PTPRD: variants seen among roughly 807,000 people sequenced by gnomAD.
The protein encoded by PTPRD is receptor-type tyrosine-protein phosphatase delta.
A neutral mutation model predicts 214.5 loss-of-function variants in PTPRD; 34 were observed. The ratio of observed to expected loss-of-function variants is 0.16; its 90% CI spans 0.12 to 0.21. The LOEUF is 0.21. Ranked by LOEUF, PTPRD falls within the 10% of genes least tolerant of loss-of-function variation. The pLI, the probability that PTPRD is intolerant of heterozygous loss-of-function variation, is 1.00. For synonymous variants in PTPRD, 1,128 were observed against 845.7 expected, an observed-to-expected ratio of 1.33 and a Z score of -5.79; for missense variants, 2,545 against 2,398.7, an observed-to-expected ratio of 1.06 and a Z score of -1.27.
intron 7 of PTPRD, among the ~76,000 whole-genome samples, chr9:9,710,883 G>A (rs997510463): frequency 1.2e-4 from 18 of 152,254 alleles, no homozygotes; most frequent in Admixed American, 9.8e-4. Context: ...TTTCCAGCCA[G>A]GGCCGTGATT....
At chr9:9,017,337 T>C (rs1040362546) in intron 11 of PTPRD, among the ~76,000 whole-genome samples, 1 of 152,170 alleles carries the variant, frequency 6.6e-6, no homozygotes, top group Non-Finnish European at 1.5e-5. Context: ...TACAGGTTCC[T>C]TGGTAAATCT....
chr9:9,503,519 A>C (rs1215735647), intron 8 of PTPRD, among the ~76,000 whole-genome samples: 2 of 151,734 alleles, frequency 1.3e-5, no homozygotes, highest in Non-Finnish European at 1.5e-5. Context: ...AATGTAGAGG[A>C]GGCCATGGAA....
intron 3 of PTPRD, among the ~76,000 whole-genome samples, chr9:10,209,256 C>T (rs982753865): frequency 6.6e-6 from 1 of 152,044 alleles, no homozygotes; most frequent in Non-Finnish European, 1.5e-5. Context: ...GAGAAAAACC[C>T]ATGAAAACAC....
At chr9:10,528,599 A>G (rs1680584956) in intron 2 of PTPRD, among the ~76,000 whole-genome samples, 1 of 152,196 alleles carries the variant, frequency 6.6e-6, no homozygotes, top group African/African-American at 2.4e-5. Context: ...GCCAGCACAC[A>G]TTGACAATTG....
At chr9:8,672,313 A>G (rs2097303338) in intron 12 of PTPRD, among the ~76,000 whole-genome samples, 1 of 152,210 alleles carries the variant, frequency 6.6e-6, no homozygotes, top group Non-Finnish European at 1.5e-5. Context: ...TTTTCATCAT[A>G]TGATACCAAA....
chr9:9,389,529 AC>A (rs745870531), intron 9 of PTPRD, among the ~76,000 whole-genome samples: 6 of 152,130 alleles, frequency 3.9e-5, no homozygotes, highest in African/African-American at 1.4e-4. Flanking sequence ...TAATAAAAAA[AC>A]ATTAATTATG....
intron 7 of PTPRD, among the ~76,000 whole-genome samples, chr9:9,682,423 T>C (rs1425406136): frequency 6.6e-6 from 1 of 151,854 alleles, no homozygotes; most frequent in African/African-American, 2.4e-5. Flanking sequence ...ATTCTGGCTC[T>C]GGGTTTCAGA....
At chr9:8,428,049 A>G (rs1201936188) in intron 35 of PTPRD, among the ~76,000 whole-genome samples, 1 of 152,202 alleles carries the variant, frequency 6.6e-6, no homozygotes, top group Non-Finnish European at 1.5e-5. Context: ...AGAGATGAAC[A>G]AACTAAAATA....
chr9:8,538,954 C>G (rs1227389511), intron 14 of PTPRD, among the ~76,000 whole-genome samples: 1 of 151,760 alleles, frequency 6.6e-6, no homozygotes, highest in Non-Finnish European at 1.5e-5. Flanking sequence ...GAGACTGGAA[C>G]AAGCAAGGAA....
At chr9:10,378,570 G>C (rs998384583) in intron 2 of PTPRD, among the ~76,000 whole-genome samples, 10 of 151,962 alleles carry the variant, frequency 6.6e-5, no homozygotes, top group East Asian at 1.9e-4. Context: ...TTATTGAAGA[G>C]ACTGTCTTTC....
rs368752556 is a variant in PTPRD at position 9,121,354 on chromosome 9, C to T, written c.-143+61950G>A. Among the ~76,000 whole-genome samples the T allele has an allele frequency of 2.0e-4, 30 of 152,116 alleles. 1 individual carries two copies. The highest frequency in any genetic ancestry group is 1.4e-3 in the East Asian group (7 of 5,172). On this transcript the variant is annotated intron_variant, in intron 10 of 45. Transcript: ENST00000381196. ...ACCCAGAGGAAAAGAAGTTATTATTCGAAAAAGATACTTGCACACGCATGT... is the reference window on the plus strand; with the variant it reads ...ACCCAGAGGAAAAGAAGTTATTATTTGAAAAAGATACTTGCACACGCATGT...
chr9:9,262,159 C>T (rs1402414678), intron 9 of PTPRD, among the ~76,000 whole-genome samples: 1 of 151,254 alleles, frequency 6.6e-6, no homozygotes, highest in Non-Finnish European at 1.5e-5. Flanking sequence ...GTCATGAAAG[C>T]AATATTAGAA....
At chr9:9,614,356 A>G (rs1020766909) in intron 7 of PTPRD, among the ~76,000 whole-genome samples, 16 of 152,166 alleles carry the variant, frequency 1.1e-4, no homozygotes, top group Admixed American at 3.9e-4. Context: ...CATCATGATC[A>G]GCATAGTAAT....
chr9:10,504,862 A>G (rs1363946122), intron 2 of PTPRD, among the ~76,000 whole-genome samples: 1 of 152,130 alleles, frequency 6.6e-6, no homozygotes, highest in Non-Finnish European at 1.5e-5. Flanking sequence ...TCTTACTATT[A>G]TATTAGGAGA....
chr9:10,529,351 A>G (rs2055377600), intron 2 of PTPRD, among the ~76,000 whole-genome samples: 1 of 152,278 alleles, frequency 6.6e-6, no homozygotes, highest in Non-Finnish European at 1.5e-5. Flanking sequence ...TGGATAAACA[A>G]TATGTGGCAC....
intron 4 of PTPRD, among the ~76,000 whole-genome samples, chr9:9,972,325 G>C (rs537556707): frequency 2.8e-4 from 43 of 152,222 alleles, no homozygotes; most frequent in Admixed American, 3.3e-4. Context: ...CTCTTCTCAA[G>C]AGGAATCAAT....
rs1239966287 is a variant in PTPRD at position 9,947,363 on chromosome 9, TTATA to T, written c.-471-8757_-471-8754del. ...ATATATATAATATATATTATATATA[TTATA>T]TATATATTATATATATTTTATATAC... is the stretch of plus-strand genomic sequence containing the variant. On this transcript the variant is annotated intron_variant, in intron 4 of 45. Transcript: ENST00000381196. Among the ~76,000 whole-genome samples, 132 of 43,022 alleles carry T rather than the reference TTATA, an allele frequency of 3.1e-3. 10 individuals are homozygous for T. In the South Asian group the frequency reaches 0.084, roughly 27 times the overall value. 28.2% of individuals were successfully genotyped at this position (43,022 alleles called of 152,430 possible). A position where few individuals can be genotyped will look rare whatever the true frequency, so the allele number is the denominator to read the frequency against.
intron 2 of PTPRD, among the ~76,000 whole-genome samples, chr9:10,406,865 T>A (rs2098370592): frequency 6.6e-6 from 1 of 151,546 alleles, no homozygotes; most frequent in African/African-American, 2.4e-5. Flanking sequence ...TCTCACAGGA[T>A]CCCTGTGGTG....
chr9:8,540,428 GTATT>G (rs1289091333), intron 14 of PTPRD, among the ~76,000 whole-genome samples: 3 of 152,020 alleles, frequency 2.0e-5, no homozygotes, highest in African/African-American at 7.2e-5. Flanking sequence ...TAAGGCATAA[GTATT>G]TAATTACAAA....
Sources: allele counts gnomAD v4.1 joint callset (sites outside exome capture counted in the v4.1 genomes callset), GRCh38; gene constraint gnomAD v4.1.1; transcripts MANE v1.5; gene names NCBI Gene and HGNC (gene_info 2026-07-23, HGNC 2026-07-21).